Variants in SEMA6D observed in about 807,000 individuals in gnomAD.
The protein encoded by SEMA6D is semaphorin 6D.
Under a neutral mutation model 106.6 loss-of-function variants are expected in SEMA6D, and 35 were observed. The observed-to-expected ratio is 0.33, with a 90% confidence interval of 0.25 to 0.44. The LOEUF is 0.44. Among genes scored for constraint, SEMA6D ranks in the 20% least tolerant of loss-of-function variants. The probability of loss-of-function intolerance (pLI) is 1.00; values close to 1 mark genes in which losing one functional copy is unlikely to be tolerated. For missense variants in SEMA6D, 1,185 were observed against 1,345.9 expected (o/e 0.88, Z 1.87); for synonymous variants, 499 against 487.7 (o/e 1.02, Z -0.31).
chr15:47,556,146 A>T (rs1039931417), intron 3 of SEMA6D, among the ~76,000 whole-genome samples: 2 of 152,160 alleles, frequency 1.3e-5, no homozygotes, highest in Admixed American at 1.3e-4. Flanking sequence ...TTTAATTGAT[A>T]TATACTGTTA....
chr15:47,762,866 T>C (rs1597059008), intron 8 of SEMA6D, 150 bp from the exon 9 acceptor site: 2 of 582,474 alleles, frequency 3.4e-6, no homozygotes, highest in Non-Finnish European at 6.0e-6. Flanking sequence ...AACACACCCA[T>C]ATTGGGACTC....
intron 1 of SEMA6D, among the ~76,000 whole-genome samples, chr15:47,253,560 T>C (rs1208726653): frequency 1.3e-5 from 2 of 152,160 alleles, no homozygotes; most frequent in Non-Finnish European, 2.9e-5. Flanking sequence ...AGGGTCTAGT[T>C]TCCTACCTCT....
intron 4 of SEMA6D, among the ~76,000 whole-genome samples, chr15:47,684,320 G>C (rs2078425065): frequency 6.6e-6 from 1 of 151,888 alleles, no homozygotes; most frequent in Non-Finnish European, 1.5e-5. Flanking sequence ...TAAGTACTTA[G>C]TACATGCTTG....
chr15:47,583,555 G>A (rs1158716440), intron 3 of SEMA6D, among the ~76,000 whole-genome samples: 2 of 152,110 alleles, frequency 1.3e-5, no homozygotes, highest in African/African-American at 4.8e-5. Context: ...TATCAGGATT[G>A]CGTCCTTTGT....
chr15:47,194,521 A>G (rs1237433426), intron 1 of SEMA6D, among the ~76,000 whole-genome samples: 2 of 152,072 alleles, frequency 1.3e-5, no homozygotes, highest in African/African-American at 4.8e-5. Context: ...ATTCAAGAGG[A>G]AGTATCAGAT....
chr15:47,225,532 T>G (rs2031585190), intron 1 of SEMA6D, among the ~76,000 whole-genome samples: 2 of 140,902 alleles, frequency 1.4e-5, no homozygotes, highest in Admixed American at 1.4e-4. Context: ...TTTTTTTTTT[T>G]TTTTTTTTTT....
intron 4 of SEMA6D, among the ~76,000 whole-genome samples, chr15:47,650,185 T>C (rs2077659229): frequency 1.3e-5 from 2 of 152,176 alleles, no homozygotes; most frequent in African/African-American, 4.8e-5. Context: ...ACATTGCTAG[T>C]TCAGTGCAGG....
At chr15:47,295,856 A>G (rs549142392) in intron 1 of SEMA6D, among the ~76,000 whole-genome samples, 1 of 152,322 alleles carries the variant, frequency 6.6e-6, no homozygotes, top group South Asian at 2.1e-4. Flanking sequence ...GATTTTTCTT[A>G]GCCTTTCAAA....
chr15:47,757,624 G>A (rs1010640638), intron 1 of SEMA6D, among the ~76,000 whole-genome samples: 1 of 152,074 alleles, frequency 6.6e-6, no homozygotes, highest in Non-Finnish European at 1.5e-5. Context: ...TTGCTTTTTT[G>A]TTTTGTTTTG....
intron 1 of SEMA6D, among the ~76,000 whole-genome samples, chr15:47,340,851 C>G (rs569309125): frequency 1.4e-4 from 21 of 152,162 alleles, no homozygotes; most frequent in Non-Finnish European, 2.5e-4. Flanking sequence ...TTCTCAATAT[C>G]TCCTGGTGCC....
intron 1 of SEMA6D, among the ~76,000 whole-genome samples, chr15:47,753,133 A>T (rs2081537404): frequency 6.6e-6 from 1 of 152,098 alleles, no homozygotes; most frequent in Admixed American, 6.6e-5. Flanking sequence ...AGGAGGGAGG[A>T]ATGTAAGTAG....
Position 47,564,841 on chromosome 15 carries a change from G to A in SEMA6D, c.-86-36024G>A, listed in dbSNP as rs149454972. Among the ~76,000 whole-genome samples the A allele has an allele frequency of 5.9e-5, 9 of 152,232 alleles. No individual in the cohort carries two copies. The East Asian group carries it at 1.7e-3, about 29-fold the overall frequency. On this transcript the variant is annotated intron_variant, in intron 3 of 19. Transcript: ENST00000558014. ...AGACCCCAGACTCAGCCAGCAGAGAGGAAGAAGAATCTAGACATCGGGACA... is the reference window on the plus strand; with the variant it reads ...AGACCCCAGACTCAGCCAGCAGAGAAGAAGAAGAATCTAGACATCGGGACA...
intron 4 of SEMA6D, among the ~76,000 whole-genome samples, chr15:47,665,177 G>T (rs988962454): frequency 2.6e-5 from 4 of 152,218 alleles, no homozygotes; most frequent in Admixed American, 1.3e-4. Context: ...TAGTAGGAAT[G>T]ATTCTTGCTT....
At chr15:47,526,407 A>G (rs2044756360) in intron 3 of SEMA6D, among the ~76,000 whole-genome samples, 1 of 152,186 alleles carries the variant, frequency 6.6e-6, no homozygotes, top group Non-Finnish European at 1.5e-5. Context: ...ATGAGCAAAT[A>G]TGTATTGGTA....
chr15:47,737,629 A>G (rs2080524158), intron 1 of SEMA6D, among the ~76,000 whole-genome samples: 1 of 152,052 alleles, frequency 6.6e-6, no homozygotes, highest in Non-Finnish European at 1.5e-5. Context: ...TATCTGAATG[A>G]TTGCATCATA....
At chr15:47,748,258 T>C (rs2081251637) in intron 1 of SEMA6D, among the ~76,000 whole-genome samples, 1 of 152,216 alleles carries the variant, frequency 6.6e-6, no homozygotes, top group African/African-American at 2.4e-5. Flanking sequence ...GCTGTTGGGT[T>C]GATGGTGGAG....
Position 47,461,685 on chromosome 15 carries a change from A to G in SEMA6D, c.-158-8789A>G, listed in dbSNP as rs78516557. On this transcript the variant is annotated intron_variant, in intron 2 of 19. Coordinates refer to the SEMA6D transcript ENST00000558014. ...AAATTTAATTGCTTTCTGCTCTTCAATGAGTCATTCTATTTGGAATGGAAA... is the reference window on the plus strand; with the variant it reads ...AAATTTAATTGCTTTCTGCTCTTCAGTGAGTCATTCTATTTGGAATGGAAA... Among the ~76,000 whole-genome samples the G allele has an allele frequency of 5.5e-3, 835 of 152,196 alleles. 6 individuals are homozygous for G. The highest frequency in any genetic ancestry group is 0.019 in the African/African-American group (806 of 41,566).
chr15:47,711,627 A>G (rs2079026250), intron 4 of SEMA6D, among the ~76,000 whole-genome samples: 1 of 152,158 alleles, frequency 6.6e-6, no homozygotes, highest in South Asian at 2.1e-4. Flanking sequence ...TTTATCCCAG[A>G]ACATCAGCTG....
intron 1 of SEMA6D, chr15:47,718,386 G>A (rs2079215603): frequency 6.6e-6 from 1 of 152,290 alleles, no homozygotes. Context: ...TAGGATACCT[G>A]TCAGTGAGCG....
Sources: gnomAD v4.1 joint callset for allele counts (sites outside exome capture counted in the v4.1 genomes callset) on GRCh38, gnomAD v4.1.1 for gene constraint, MANE v1.5 for transcripts, NCBI Gene and HGNC (gene_info 2026-07-23, HGNC 2026-07-21) for gene names.